Variants in MYO3A observed in about 807,000 individuals in gnomAD.
MYO3A encodes the protein myosin-IIIa.
In MYO3A, 180 loss-of-function variants were observed where a neutral mutation model predicts 192.7. That is an observed-to-expected ratio of 0.93 (90% CI 0.83 to 1.06). MYO3A has a LOEUF of 1.06. MYO3A is among the 50% of genes least tolerant of loss of function. MYO3A has a pLI of 0.00. For synonymous variants in MYO3A, 628 were observed against 645.3 expected (o/e 0.97, Z 0.41); for missense variants, 1,896 against 1,905.0 (o/e 1.00, Z 0.09).
intron 6 of MYO3A, among the ~76,000 whole-genome samples, chr10:26,006,206 A>G (rs1030544055): frequency 3.3e-5 from 5 of 152,192 alleles, no homozygotes; most frequent in African/African-American, 1.2e-4. Flanking sequence ...ACAACATACC[A>G]GAATCTCTGG....
chr10:25,952,238 A>G lies in MYO3A; in HGVS notation c.128A>G (p.Asn43Ser), dbSNP rs1837253406. Residue 43 changes from asparagine to serine, a missense_variant, in exon 3 of 35, where the codon AAT (asparagine) becomes AGT (serine). Transcript: ENST00000642920. ...GTTTTTAAAGTATTGAATAAGAAAAATGGCCAAAAAGCAGCAGTCAAAATT... is the reference window on the plus strand; with the variant it reads ...GTTTTTAAAGTATTGAATAAGAAAAGTGGCCAAAAAGCAGCAGTCAAAATT... ...GKVFKVLNKK[N>S]GQKAAVKILD... is the part of the protein sequence containing the mutation. 6.2e-7 allele frequency: 1 copy of G among 1,612,710 alleles called. No homozygotes were observed. Among genetic ancestry groups the G allele is most frequent in the Non-Finnish European group, 8.5e-7 (1 of 1,179,272 alleles).
At chr10:25,998,363 G>A (rs774735222) in intron 6 of MYO3A, among the ~76,000 whole-genome samples, 31 of 152,208 alleles carry the variant, frequency 2.0e-4, no homozygotes, top group Non-Finnish European at 3.8e-4. Context: ...AGAGAGGAAT[G>A]GATGAATAGT....
intron 20 of MYO3A, among the ~76,000 whole-genome samples, chr10:26,133,523 C>T (rs749611887): frequency 2.6e-5 from 4 of 152,170 alleles, no homozygotes; most frequent in Non-Finnish European, 4.4e-5. Flanking sequence ...GAAGTTTGGT[C>T]GACACCCTTA....
chr10:26,036,079 G>A lies in MYO3A; in HGVS notation c.953+9547G>A, dbSNP rs528824372. ...CTCCCAAGTAGCTGGGACTACAGGC[G>A]CCCACCACCACGCCTGGCTAATTTT... is the stretch of plus-strand genomic sequence containing the variant. On this transcript the variant is annotated intron_variant, in intron 10 of 34. Transcript: ENST00000642920. 1.1e-4 allele frequency among the ~76,000 whole-genome samples: 16 copies of A among 151,912 alleles called. No individual in the cohort carries two copies. The South Asian group carries it at 1.7e-3, about 16-fold the overall frequency.
intron 14 of MYO3A, among the ~76,000 whole-genome samples, chr10:26,082,526 A>T (rs1269838964): frequency 6.6e-6 from 1 of 152,196 alleles, no homozygotes; most frequent in Non-Finnish European, 1.5e-5. Flanking sequence ...CTGCAAATGC[A>T]GTAGTCTCCA....
intron 17 of MYO3A, among the ~76,000 whole-genome samples, chr10:26,119,471 AT>A (rs1470968410): frequency 6.6e-6 from 1 of 152,124 alleles, no homozygotes; most frequent in Non-Finnish European, 1.5e-5. Context: ...CAACAAATAT[AT>A]TTGTTGTTTA....
chr10:26,062,850 G>T (rs4998838), intron 10 of MYO3A, among the ~76,000 whole-genome samples: 71,697 of 151,774 alleles, frequency 0.47, 17,767 homozygotes, highest in Middle Eastern at 0.59. Context: ...TTCCACCCTG[G>T]AAAGTGAAAA....
chr10:26,056,452 C>T (rs985494219), intron 10 of MYO3A, among the ~76,000 whole-genome samples: 1 of 152,142 alleles, frequency 6.6e-6, no homozygotes, highest in Non-Finnish European at 1.5e-5. Context: ...ACGTCAAATA[C>T]TAAACCACAG....
chr10:25,943,074 T>G (rs1174967104), intron 2 of MYO3A, among the ~76,000 whole-genome samples: 1 of 152,042 alleles, frequency 6.6e-6, no homozygotes, highest in Non-Finnish European at 1.5e-5. Context: ...TTTTATTATT[T>G]TAGCTCATAT....
intron 4 of MYO3A, among the ~76,000 whole-genome samples, chr10:25,991,127 C>T (rs1240635405): frequency 6.6e-6 from 1 of 152,020 alleles, no homozygotes; most frequent in African/African-American, 2.4e-5. Flanking sequence ...ACAGTCCCAC[C>T]AACAGTGTAA....
chr10:26,140,566 C>A (rs1840094282), intron 20 of MYO3A, among the ~76,000 whole-genome samples: 2 of 151,906 alleles, frequency 1.3e-5, no homozygotes, highest in South Asian at 4.2e-4. Flanking sequence ...TGCCTGTAAT[C>A]CCAGCTACTC....
chr10:26,165,518 T>C (rs1195053600), intron 26 of MYO3A, among the ~76,000 whole-genome samples: 2 of 152,082 alleles, frequency 1.3e-5, no homozygotes, highest in Admixed American at 1.3e-4. Flanking sequence ...TTTCCTTCCC[T>C]CGATTATGGA....
chr10:26,206,217 T>G (rs1241664109), intron 34 of MYO3A, among the ~76,000 whole-genome samples: 2 of 151,818 alleles, frequency 1.3e-5, no homozygotes, highest in African/African-American at 4.8e-5. Context: ...CATGCCACTC[T>G]GCCCGGCTAA....
At position 26,021,491 on chromosome 10, in the gene MYO3A, G is replaced by A. The variant is rs1340834599; in HGVS notation, c.586-12G>A. 6.2e-7 allele frequency: 1 copy of A among 1,613,680 alleles called. No homozygotes were observed. The highest frequency in any genetic ancestry group is 8.5e-7 in the Non-Finnish European group (1 of 1,179,614). Reference sequence around the variant, plus strand: ...ACAAATTTCACCTTTTGATGGTGTGGTTTTCTACTAGGTGATTGCATGTGA... The same window carrying A: ...ACAAATTTCACCTTTTGATGGTGTGATTTTCTACTAGGTGATTGCATGTGA... On this transcript the variant is annotated splice_polypyrimidine_tract_variant and intron_variant, in intron 7 of 34. Transcript: ENST00000642920.
chr10:26,131,349 CA>C (rs1400817451), intron 20 of MYO3A, among the ~76,000 whole-genome samples: 6 of 84,658 alleles, frequency 7.1e-5, no homozygotes, highest in African/African-American at 2.2e-4. Context: ...TACAGTAAAA[CA>C]TTTTTTTGTG....
chr10:26,013,690 C>T (rs1851146), intron 6 of MYO3A, among the ~76,000 whole-genome samples: 67,717 of 151,838 alleles, frequency 0.45, 15,938 homozygotes, highest in East Asian at 0.62. Flanking sequence ...AGTACAACCT[C>T]TATGGAAAAT....
At position 26,070,412 on chromosome 10, in the gene MYO3A, T is replaced by C; in HGVS notation, c.1359+11T>C. On this transcript the variant is annotated intron_variant, in intron 14 of 34. Transcript: ENST00000642920. Reference sequence around the variant, plus strand: ...ACAGTGCTTGGAAAGGTATAATTTATTTTTTTCTCTGTCCCATCAGAAATA... The same window carrying C: ...ACAGTGCTTGGAAAGGTATAATTTACTTTTTTCTCTGTCCCATCAGAAATA... The C allele has an allele frequency of 6.2e-7, 1 of 1,604,362 alleles. No homozygotes were observed. Among genetic ancestry groups the C allele is most frequent in the Non-Finnish European group, 8.5e-7 (1 of 1,172,836 alleles).
At chr10:26,028,400 A>G (rs533557699) in intron 10 of MYO3A, among the ~76,000 whole-genome samples, 1 of 152,354 alleles carries the variant, frequency 6.6e-6, no homozygotes, top group African/African-American at 2.4e-5. Context: ...CTTGCTGCAG[A>G]GACAGACCTG....
chr10:26,157,235 G>A (rs1390712806), intron 25 of MYO3A, 75 bp from the exon 26 acceptor site: 1 of 1,327,172 alleles, frequency 7.5e-7, no homozygotes, highest in South Asian at 1.2e-5. Flanking sequence ...TATTCTTGTA[G>A]TAAAAAGAAA....
Sources: gnomAD v4.1 joint callset for allele counts (sites outside exome capture counted in the v4.1 genomes callset) on GRCh38, gnomAD v4.1.1 for gene constraint, MANE v1.5 for transcripts, NCBI Gene and HGNC (gene_info 2026-07-23, HGNC 2026-07-21) for gene names.